The following WDR64 variants were observed in gnomAD, a reference collection of about 807,000 sequenced individuals.
WDR64 encodes WD repeat-containing protein 64.
In WDR64, 112 loss-of-function variants were observed where a neutral mutation model predicts 139.3. The ratio of observed to expected loss-of-function variants is 0.80; its 90% CI spans 0.69 to 0.94. The LOEUF is 0.94. Among genes scored for constraint, WDR64 ranks in the 40% least tolerant of loss-of-function variants. The pLI is 0.00. For missense variants in WDR64, 1,206 were observed against 1,293.1 expected (o/e 0.93, Z 1.03); for synonymous variants, 444 against 437.7 (o/e 1.01, Z -0.18).
chr1:241,787,708 TA>T (rs1385765032), intron 23 of WDR64, 140 bp from the exon 24 acceptor site: 1 of 632,282 alleles, frequency 1.6e-6, no homozygotes, highest in Admixed American at 3.1e-5. Flanking sequence ...AGCTCCACAG[TA>T]TTTCATAGAA....
intron 10 of WDR64, among the ~76,000 whole-genome samples, chr1:241,732,729 A>G (rs188648095): frequency 1.8e-4 from 28 of 152,190 alleles, no homozygotes; most frequent in East Asian, 1.4e-3. Context: ...CTGAGGCAGG[A>G]GAATCACTTG....
chr1:241,758,685 T>C (rs1670305951), intron 15 of WDR64, among the ~76,000 whole-genome samples: 1 of 152,182 alleles, frequency 6.6e-6, no homozygotes, highest in East Asian at 1.9e-4. Flanking sequence ...CATCTGAAAC[T>C]GGTTGGAGCC....
At chr1:241,666,076 A>G (rs1481795871) in intron 2 of WDR64, among the ~76,000 whole-genome samples, 2 of 152,170 alleles carry the variant, frequency 1.3e-5, no homozygotes, top group African/African-American at 2.4e-5. Context: ...ATAAAAATGA[A>G]GTTAAAAATG....
At chr1:241,782,069 G>A (rs1016947536) in intron 22 of WDR64, among the ~76,000 whole-genome samples, 1 of 152,104 alleles carries the variant, frequency 6.6e-6, no homozygotes, top group African/African-American at 2.4e-5. Flanking sequence ...GGCAGATCAC[G>A]AGGTCAAGAA....
In WDR64 at chr1:241,795,210, C is replaced by T. The variant is rs201917329; in HGVS notation, c.3001C>T (p.Arg1001Ter). 1.8e-4 allele frequency: 294 copies of T among 1,613,476 alleles called. No individual in the cohort carries two copies. The Admixed American group carries it at 3.9e-3, about 21-fold the overall frequency. The change falls in exon 26 of 28, where the codon CGA (arginine) becomes TGA (stop). Residue 1001 changes from arginine to a stop codon, truncating the protein, a stop_gained. Coordinates refer to ENST00000437684, the MANE Select transcript of WDR64 (RefSeq NM_001367482.1). LOFTEE classifies it high-confidence loss of function. ...FFKSLSSPKI[R>*]RYPLEGFVTE... The stretch of plus-strand genomic sequence containing the variant: ...CATTCATCCCTTTGTTTTGCAGATT[C>T]GAAGATATCCCTTGGAAGGTTTCGT...
Position 241,772,875 on chromosome 1 carries a change from C to G in WDR64, c.2374C>G (p.Pro792Ala). Reference sequence around the variant, plus strand: ...AATTGCCAATTTACCAGAAGCCCAGCCACCTATCCTTGTCACTGCTCATGA... The same window carrying G: ...AATTGCCAATTTACCAGAAGCCCAGGCACCTATCCTTGTCACTGCTCATGA... The part of the protein sequence containing the change: ...PGIANLPEAQ[P>A]PILVTAHEDG... The change falls in exon 20 of 28, where the codon CCA becomes GCA. Residue 792 changes from proline to alanine, a missense_variant. By Grantham distance (27) the Pro-to-Ala change is conservative. Transcript: ENST00000437684. The G allele has an allele frequency of 6.4e-7, 1 of 1,552,002 alleles. No individual in the cohort carries two copies. The highest frequency in any genetic ancestry group is 8.7e-7 in the Non-Finnish European group (1 of 1,147,058).
At chr1:241,761,519 CTAA>C (rs1340364877) in intron 15 of WDR64, among the ~76,000 whole-genome samples, 36 of 151,180 alleles carry the variant, frequency 2.4e-4, no homozygotes, top group African/African-American at 8.0e-4. Context: ...TCTTTTCCTT[CTAA>C]TGTTTTAAAA....
intron 7 of WDR64, among the ~76,000 whole-genome samples, chr1:241,686,985 T>A (rs1558472327): frequency 6.6e-6 from 1 of 152,172 alleles, no homozygotes; most frequent in East Asian, 1.9e-4. Flanking sequence ...ACTTTTCCAT[T>A]TTAAGTATGC....
chr1:241,711,950 G>A (rs1253171056), intron 9 of WDR64, 69 bp downstream of exon 9: 5 of 1,471,426 alleles, frequency 3.4e-6, no homozygotes, highest in Non-Finnish European at 1.9e-6. Context: ...GAGTTTTGGT[G>A]CTAGGAAGAA....
At chr1:241,765,188 A>C (rs79491847) in intron 15 of WDR64, among the ~76,000 whole-genome samples, 1 of 11,036 alleles carries the variant, frequency 9.1e-5, no homozygotes, top group Non-Finnish European at 3.8e-4. Context: ...TCTGTCTCTG[A>C]AAAAAAAAAA....
chr1:241,731,252 C>A (rs1669066947), intron 10 of WDR64, among the ~76,000 whole-genome samples: 2 of 151,872 alleles, frequency 1.3e-5, no homozygotes, highest in South Asian at 4.1e-4. Context: ...TGCATGCCTG[C>A]AGTCCCAGCT....
chr1:241,717,957 A>T (rs1431672767), intron 9 of WDR64, among the ~76,000 whole-genome samples: 1 of 152,218 alleles, frequency 6.6e-6, no homozygotes, highest in African/African-American at 2.4e-5. Context: ...TCTTCACAAT[A>T]AAACTATGAT....
intron 27 of WDR64, among the ~76,000 whole-genome samples, chr1:241,800,568 G>A (rs1017657957): frequency 6.6e-6 from 1 of 152,086 alleles, no homozygotes; most frequent in Non-Finnish European, 1.5e-5. Context: ...GATTGCTTGA[G>A]CCCAGGAGGT....
Position 241,708,692 on chromosome 1 carries a change from GTTTTTTTT to G in WDR64, c.975-3106_975-3099del, listed in dbSNP as rs766069628. On this transcript the variant is annotated intron_variant, in intron 8 of 27. Coordinates refer to ENST00000437684, the MANE Select transcript of WDR64 (RefSeq NM_001367482.1). ...TATCAAGTTAGGGCTGAGGTCCATGGTTTTTTTTTTTGTTTTTTTGTTTTTTTTTTTAA... is the reference window on the plus strand; with the variant it reads ...TATCAAGTTAGGGCTGAGGTCCATGGTTTGTTTTTTTGTTTTTTTTTTTAA... Among the ~76,000 whole-genome samples, 121 of 59,906 alleles carry G rather than the reference GTTTTTTTT, an allele frequency of 2.0e-3. 1 individual carries two copies. The highest frequency in any genetic ancestry group is 6.8e-3 in the South Asian group (15 of 2,216). 39.3% of individuals were successfully genotyped at this position (59,906 alleles called of 152,430 possible).
chr1:241,674,692 T>C lies in WDR64; in HGVS notation c.428T>C (p.Leu143Pro). 1 of 1,550,358 alleles carries C rather than the reference T, an allele frequency of 6.5e-7. No individual in the cohort carries two copies. Among genetic ancestry groups the C allele is most frequent in the Non-Finnish European group, 8.7e-7 (1 of 1,146,164 alleles). Reference sequence around the variant, plus strand: ...AAGAGCATTGTCAAGATACCTCACCTGGATTTACTAATAACAGCTACTCAG... The same window carrying C: ...AAGAGCATTGTCAAGATACCTCACCCGGATTTACTAATAACAGCTACTCAG... The part of the protein sequence containing the change: ...VIKSIVKIPH[L>P]DLLITATQKG... The change falls in exon 4 of 28, where the codon CTG (leucine) becomes CCG (proline). Residue 143 changes from leucine (L) to proline (P), a missense_variant. By Grantham distance (98) the Leu-to-Pro change is moderately conservative (BLOSUM62 -3). Transcript: ENST00000437684.
At chr1:241,652,798 C>T (rs912762610) in intron 1 of WDR64, among the ~76,000 whole-genome samples, 169 bp downstream of exon 1, 8 of 152,142 alleles carry the variant, frequency 5.3e-5, no homozygotes, top group African/African-American at 1.9e-4. Context: ...ACAAAGCGGA[C>T]ATGAGGAAGC....
intron 18 of WDR64, among the ~76,000 whole-genome samples, chr1:241,771,359 G>A (rs1658421793): frequency 6.6e-6 from 1 of 152,110 alleles, no homozygotes; most frequent in South Asian, 2.1e-4. Context: ...AGATGAAGTT[G>A]CATGGTTGTG....
rs1431443291 is a variant in WDR64, at chr1:241,787,989, C to T, written c.2846C>T (p.Thr949Ile). Residue 949 changes from threonine to isoleucine, a missense_variant, in exon 24 of 28, where the codon ACA becomes ATA. Coordinates refer to ENST00000437684, the MANE Select transcript of WDR64 (RefSeq NM_001367482.1). ...GAAATAAAAGAAGAAAGCAAGTTCA[C>T]AGAGAAGCAAAAATATGAATATCCT... ...PIEIKEESKF[T>I]EKQKYEYPLI... 1 of 1,602,386 alleles carries T rather than the reference C, an allele frequency of 6.2e-7. No homozygotes were observed. The highest frequency in any genetic ancestry group is 1.4e-5 in the African/African-American group (1 of 74,018).
intron 18 of WDR64, among the ~76,000 whole-genome samples, chr1:241,771,280 T>C (rs1022237719): frequency 1.3e-5 from 2 of 152,210 alleles, no homozygotes; most frequent in African/African-American, 4.8e-5. Context: ...TCTTTTATTA[T>C]CTGATTAGCT....
Sources: gnomAD v4.1 joint callset for allele counts (sites outside exome capture counted in the v4.1 genomes callset) on GRCh38, gnomAD v4.1.1 for gene constraint, MANE v1.5 for transcripts, NCBI Gene and HGNC (gene_info 2026-07-23, HGNC 2026-07-21) for gene names.